Variants in ATIC observed in about 807,000 individuals in gnomAD.
The protein encoded by ATIC is bifunctional purine biosynthesis protein ATIC.
In ATIC, 64 loss-of-function variants were observed where a neutral mutation model predicts 72.5. The observed-to-expected ratio is 0.88, with a 90% CI of 0.72 to 1.09. The LOEUF is 1.09. Ranked by LOEUF, ATIC falls within the 50% of genes least tolerant of loss-of-function variation. The probability of loss-of-function intolerance (pLI) is 0.00; values close to 1 mark genes in which losing one functional copy is unlikely to be tolerated. For missense variants in ATIC, 787 were observed against 732.4 expected, an observed-to-expected ratio of 1.07 and a Z score of -0.86; for synonymous variants, 281 against 267.1, an observed-to-expected ratio of 1.05 and a Z score of -0.51.
intron 14 of ATIC, 180 bp downstream of exon 14, chr2:215,347,121 C>T (rs2053080131): frequency 2.3e-6 from 2 of 851,748 alleles, no homozygotes; most frequent in African/African-American, 3.4e-5. Flanking sequence ...TCTCATGTAA[C>T]TTTCTTCATT....
intron 4 of ATIC, among the ~76,000 whole-genome samples, chr2:215,323,433 G>A (rs2052791160): frequency 6.6e-6 from 1 of 152,206 alleles, no homozygotes; most frequent in Admixed American, 6.5e-5. Flanking sequence ...CTTCCAGTCT[G>A]TGAACATGGG....
At chr2:215,366,574 A>C in the ATIC span, among the ~76,000 whole-genome samples, 62 of 152,252 alleles carry the variant, frequency 4.1e-4, no homozygotes, top group African/African-American at 1.5e-3. Flanking sequence ...ACTACTATAC[A>C]TAAGGGATGA....
At chr2:215,328,710 G>T (rs552845146) in intron 7 of ATIC, among the ~76,000 whole-genome samples, 24 of 147,732 alleles carry the variant, frequency 1.6e-4, no homozygotes, top group African/African-American at 6.0e-4. Context: ...CATTAGGATG[G>T]CAGCTTCCTT....
rs767446997 is a variant in ATIC, at chr2:215,326,914, TG to T, written c.626del (p.Gly209GlufsTer2). ...GCGTATCTCAGATGCCCTTGAGATA[TG>T]GAATGAACCCACATCAGACCCCTGC... ...KGVSQMPLRY[G>X]MNPHQTPAQL... On this transcript the variant is annotated frameshift_variant, in exon 7 of 16. Coordinates refer to ENST00000236959, the MANE Select transcript of ATIC (RefSeq NM_004044.7). LOFTEE classifies it high-confidence loss of function. The T allele has an allele frequency of 1.9e-6, 3 of 1,614,168 alleles. No individual in the cohort carries two copies. In the Admixed American group the frequency reaches 5.0e-5, roughly 27 times the overall value.
intron 3 of ATIC, among the ~76,000 whole-genome samples, 170 bp downstream of exon 3, chr2:215,318,403 C>T (rs1249919155): frequency 6.6e-6 from 1 of 152,200 alleles, no homozygotes; most frequent in East Asian, 1.9e-4. Context: ...GGTTTAAAAT[C>T]CAGCTTGTCT....
chr2:215,312,456 C>T, intron 1 of ATIC, 42 bp from the exon 2 acceptor site: 4 of 1,614,174 alleles, frequency 2.5e-6, no homozygotes, highest in Non-Finnish European at 3.4e-6. Flanking sequence ...GAACACAGTG[C>T]AATGTGCTGC....
intron 12 of ATIC, among the ~76,000 whole-genome samples, chr2:215,341,875 A>C (rs1416041157): frequency 6.6e-6 from 1 of 152,098 alleles, no homozygotes; most frequent in African/African-American, 2.4e-5. Context: ...GGCAATTTAT[A>C]AAGAAAAGAG....
At chr2:215,340,229 C>A (rs2053004922) in intron 12 of ATIC, among the ~76,000 whole-genome samples, 1 of 152,116 alleles carries the variant, frequency 6.6e-6, no homozygotes. Context: ...GATATATTAT[C>A]TCATTTAACA....
chr2:215,344,640 A>G, intron 12 of ATIC, 139 bp from the exon 13 acceptor site: 1 of 787,628 alleles, frequency 1.3e-6, no homozygotes, highest in Non-Finnish European at 2.1e-6. Flanking sequence ...GTGCCGTTGG[A>G]GATTGTCCCA....
chr2:215,338,703 C>T, intron 11 of ATIC, 76 bp from the exon 12 acceptor site: 1 of 1,471,350 alleles, frequency 6.8e-7, no homozygotes, highest in Non-Finnish European at 9.3e-7. Context: ...ACAATGAAAT[C>T]TTTTGTATAT....
chr2:215,332,847 CTT>C (rs1054642704), intron 8 of ATIC, among the ~76,000 whole-genome samples: 1 of 152,162 alleles, frequency 6.6e-6, no homozygotes, highest in African/African-American at 2.4e-5. Context: ...TCTTTGGACT[CTT>C]TATCTGAAAC....
chr2:215,330,202 T>A (rs2052876128), intron 7 of ATIC, among the ~76,000 whole-genome samples: 1 of 152,258 alleles, frequency 6.6e-6, no homozygotes, highest in Non-Finnish European at 1.5e-5. Context: ...GCCTGTTGTA[T>A]GCCTTAGGGG....
At chr2:215,364,202 T>G in the ATIC span, among the ~76,000 whole-genome samples, 1 of 152,264 alleles carries the variant, frequency 6.6e-6, no homozygotes, top group Non-Finnish European at 1.5e-5. Context: ...TCATTTCCTC[T>G]GTTTTTCCTA....
rs925974157 is a variant in ATIC, at chr2:215,312,069, G to C, written c.-74G>C. On this transcript the variant is annotated 5_prime_UTR_variant, in exon 1 of 16. Coordinates refer to ENST00000236959, the MANE Select transcript of ATIC (RefSeq NM_004044.7). Reference sequence around the variant, plus strand: ...CTCGCTTCCTGAGCCGCCACATCCCGGCAGCCCTCCTACCTGCGCACGTGG... The same window carrying C: ...CTCGCTTCCTGAGCCGCCACATCCCCGCAGCCCTCCTACCTGCGCACGTGG... 21 of 1,525,588 alleles carry C rather than the reference G, an allele frequency of 1.4e-5. No individual in the cohort carries two copies. Among genetic ancestry groups the C allele is most frequent in the Admixed American group, 3.9e-5 (2 of 50,716 alleles). The allele number at this position is 1,525,588 out of a possible 1,614,324, so 94.5% of individuals were successfully genotyped here.
At chr2:215,350,995 C>T (rs1321950858), downstream of ATIC, among the ~76,000 whole-genome samples, 2 of 152,222 alleles carry the variant, frequency 1.3e-5, no homozygotes. Context: ...GACCTGCCCA[C>T]ATTGAAACAA....
chr2:215,314,377 A>G (rs1177068498), intron 2 of ATIC, among the ~76,000 whole-genome samples: 2 of 152,206 alleles, frequency 1.3e-5, no homozygotes, highest in African/African-American at 2.4e-5. Flanking sequence ...ATAAACTCTT[A>G]TAGTCCTTAT....
the ATIC span, chr2:215,365,047 AG>A: frequency 9.4e-7 from 1 of 1,062,424 alleles, no homozygotes; most frequent in Non-Finnish European, 1.4e-6. Context: ...GACTTGATCT[AG>A]GGGTGGGTTC....
rs1286160821 is a variant in ATIC, at chr2:215,344,646, T to A, written c.1228-133T>A. 5 of 825,260 alleles carry A rather than the reference T, an allele frequency of 6.1e-6. No individual in the cohort carries two copies. The East Asian group carries it at 1.3e-4, about 22-fold the overall frequency. The allele number at this position is 825,260 out of a possible 1,614,324, so 51.1% of individuals were successfully genotyped here. A position where few individuals can be genotyped will look rare whatever the true frequency, so the allele number is the denominator to read the frequency against. ...GCCGAGATTGTGCCGTTGGAGATTGTCCCATTGTGCCTGGGAGACAGAGTG... is the reference window on the plus strand; with the variant it reads ...GCCGAGATTGTGCCGTTGGAGATTGACCCATTGTGCCTGGGAGACAGAGTG... On this transcript the variant is annotated intron_variant, in intron 12 of 15. Transcript: ENST00000236959.
chr2:215,363,748 A>T, the ATIC span: 1 of 142,222 alleles, frequency 7.0e-6, no homozygotes, highest in East Asian at 2.1e-4. Context: ...AAGGGCTGTC[A>T]CATTCCATTG....
Sources: gnomAD v4.1 joint callset for allele counts (sites outside exome capture counted in the v4.1 genomes callset) on GRCh38, gnomAD v4.1.1 for gene constraint, MANE v1.5 for transcripts, NCBI Gene and HGNC (gene_info 2026-07-23, HGNC 2026-07-21) for gene names.